The following LMF1 variants were observed in gnomAD, a reference collection of about 807,000 sequenced individuals.
LMF1 encodes the protein lipase maturation factor 1.
LMF1 carries 68 observed loss-of-function variants against 60.6 expected under a neutral mutation model. The ratio of observed to expected loss-of-function variants is 1.12; its 90% CI spans 0.92 to 1.37. The LOEUF (loss-of-function observed/expected upper bound fraction) is 1.37, where lower values mean the gene tolerates loss of function less well. Among genes scored for constraint, LMF1 ranks in the 40% most tolerant of loss-of-function variants. The pLI, the probability that LMF1 is intolerant of heterozygous loss-of-function variation, is 0.00. For synonymous variants in LMF1, 418 were observed against 324.7 expected (o/e 1.29, Z -3.09); for missense variants, 948 against 767.2 (o/e 1.24, Z -2.78).
chr16:978,291 A>G (rs2073234138), intron 1 of LMF1, among the ~76,000 whole-genome samples: 1 of 151,438 alleles, frequency 6.6e-6, no homozygotes, highest in Non-Finnish European at 1.5e-5. Flanking sequence ...CACACACCAT[A>G]AACACACCCC....
chr16:977,665 G>A (rs986023088), intron 1 of LMF1, among the ~76,000 whole-genome samples: 1 of 150,544 alleles, frequency 6.6e-6, no homozygotes, highest in African/African-American at 2.5e-5. Flanking sequence ...GCAGGAGGAG[G>A]GCCGGGTTGG....
At position 879,676 on chromosome 16, in the gene LMF1, C is replaced by T. The variant is rs758016731; in HGVS notation, c.791G>A (p.Arg264His). 29 of 1,609,474 alleles carry T rather than the reference C, an allele frequency of 1.8e-5. No individual in the cohort carries two copies. Among genetic ancestry groups the T allele is most frequent in the South Asian group, 1.1e-4 (10 of 89,918 alleles). The change falls in exon 6 of 11, where the codon CGC (arginine) becomes CAC (histidine). Residue 264 changes from arginine to histidine, a missense_variant. Coordinates refer to ENST00000262301, the MANE Select transcript of LMF1 (RefSeq NM_022773.4). ...GAAGTGGTTGCTGAGCGTCTCGAAG[C>T]GATGGAACCACCAGGGTGAGTGGTG... ...YLHHSPWWFH[R>H]FETLSNHFIE...
At chr16:869,224 T>G (rs1364825819) in intron 9 of LMF1, 168 bp from the exon 10 acceptor site, 1 of 665,992 alleles carries the variant, frequency 1.5e-6, no homozygotes, top group East Asian at 2.7e-5. Flanking sequence ...AGGGGCTGCC[T>G]GCTTCGTGTA....
chr16:954,406 C>A lies in LMF1; in HGVS notation c.454G>T (p.Ala152Ser), dbSNP rs750724599. 6 of 1,612,932 alleles carry A rather than the reference C, an allele frequency of 3.7e-6. No homozygotes were observed. The highest frequency in any genetic ancestry group is 1.3e-5 in the African/African-American group (1 of 74,918). The change falls in exon 2 of 11, where the codon GCT becomes TCT. Residue 152 changes from alanine (A) to serine (S), a missense_variant. Ala to Ser is a moderately conservative substitution (Grantham distance 99, BLOSUM62 1). Transcript: ENST00000262301. ...GACATGTAGAGGCCCCACAGGGCAG[C>A]CATGAGAAGCATGTTGGCGCAGCCC... The part of the protein sequence containing the change: ...ITGCANMLLM[A>S]ALWGLYMSLV...
At chr16:981,327 A>T, upstream of LMF1, 2 of 326,668 alleles carry the variant, frequency 6.1e-6, no homozygotes, top group Admixed American at 2.9e-5. Flanking sequence ...AGAGAGAGAG[A>T]GAGAGAGAGA....
chr16:979,470 G>A (rs1476613134), intron 1 of LMF1: 1 of 362,600 alleles, frequency 2.8e-6, no homozygotes, highest in Non-Finnish European at 5.5e-6. Context: ...GCAACCTGGG[G>A]AAAGGAGCAG....
chr16:974,069 T>C (rs1477128851), upstream of LMF1, among the ~76,000 whole-genome samples: 1 of 151,854 alleles, frequency 6.6e-6, no homozygotes, highest in Non-Finnish European at 1.5e-5. Context: ...TGCACTGGTG[T>C]TTCAGAATCG....
chr16:893,277 G>T, intron 4 of LMF1: 1 of 673,078 alleles, frequency 1.5e-6, no homozygotes, highest in South Asian at 1.5e-5. Flanking sequence ...TTGAGGACAG[G>T]AGTTTAGTGC....
chr16:891,445 A>T (rs9922234), intron 5 of LMF1, among the ~76,000 whole-genome samples: 57,672 of 152,032 alleles, frequency 0.38, 12,045 homozygotes, highest in African/African-American at 0.54. Flanking sequence ...TGCCAATGGA[A>T]AGCTGTGCGG....
intron 5 of LMF1, among the ~76,000 whole-genome samples, chr16:881,118 C>T (rs1300595273): frequency 6.6e-6 from 1 of 152,178 alleles, no homozygotes; most frequent in Non-Finnish European, 1.5e-5. Context: ...TGGCAGAAAG[C>T]GCACATAGGG....
intron 3 of LMF1, among the ~76,000 whole-genome samples, chr16:923,316 A>G (rs1336667534): frequency 6.6e-6 from 1 of 152,128 alleles, no homozygotes; most frequent in Non-Finnish European, 1.5e-5. Flanking sequence ...CCAGCTGTCC[A>G]CAGTTCATTC....
chr16:967,211 A>G (rs1184302291), intron 1 of LMF1, among the ~76,000 whole-genome samples: 1 of 152,202 alleles, frequency 6.6e-6, no homozygotes, highest in Non-Finnish European at 1.5e-5. Flanking sequence ...ATTTCAAAGC[A>G]TCAAGGAGCC....
chr16:916,893 T>C (rs1449676118), intron 3 of LMF1, among the ~76,000 whole-genome samples: 3 of 152,236 alleles, frequency 2.0e-5, no homozygotes, highest in Non-Finnish European at 2.9e-5. Context: ...CCTCTGAGTG[T>C]TGAGCTCCGG....
At chr16:919,004 C>G (rs1241768939) in intron 3 of LMF1, among the ~76,000 whole-genome samples, 4 of 152,164 alleles carry the variant, frequency 2.6e-5, no homozygotes, top group Admixed American at 2.6e-4. Context: ...CACGGGGCCT[C>G]CTGGGCTGGA....
At chr16:893,889 G>A (rs2070572582) in intron 4 of LMF1, among the ~76,000 whole-genome samples, 1 of 152,104 alleles carries the variant, frequency 6.6e-6, no homozygotes, top group Admixed American at 6.5e-5. Context: ...CATGGGAGGT[G>A]AAACTGCACA....
intron 1 of LMF1, chr16:976,743 G>C (rs1404988748): frequency 4.4e-6 from 2 of 454,042 alleles, no homozygotes; most frequent in Admixed American, 2.3e-5. Flanking sequence ...CAGGAGCACA[G>C]CTGTTCCCGA....
intron 4 of LMF1, among the ~76,000 whole-genome samples, chr16:908,637 G>C (rs563214936): frequency 6.6e-6 from 1 of 152,354 alleles, no homozygotes; most frequent in African/African-American, 2.4e-5. Context: ...CAGACACCTG[G>C]CCTCGTGGAC....
At chr16:869,821 C>T in intron 9 of LMF1, 62 bp downstream of exon 9, 1 of 1,531,112 alleles carries the variant, frequency 6.5e-7, no homozygotes. Flanking sequence ...AACCTGCCAT[C>T]TATGGGCAGA....
intron 8 of LMF1, among the ~76,000 whole-genome samples, chr16:870,433 G>A (rs964606458): frequency 6.6e-6 from 1 of 152,218 alleles, no homozygotes; most frequent in African/African-American, 2.4e-5. Context: ...CCCACGCAGG[G>A]GGTTGGGGCC....
Sources: allele counts gnomAD v4.1 joint callset (sites outside exome capture counted in the v4.1 genomes callset), GRCh38; gene constraint gnomAD v4.1.1; transcripts MANE v1.5; gene names NCBI Gene and HGNC (gene_info 2026-07-23, HGNC 2026-07-21).